LRRIQ1: variants seen among roughly 807,000 people sequenced by gnomAD.
LRRIQ1 encodes the protein leucine-rich repeat- and IQ domain-containing protein 1.
Under a neutral mutation model 211.9 loss-of-function variants are expected in LRRIQ1, and 210 were observed. That is an observed-to-expected ratio of 0.99 (90% CI 0.89 to 1.11). The LOEUF is 1.11. Among genes scored for constraint, LRRIQ1 ranks in the 50% most tolerant of loss-of-function variants. LRRIQ1 has a pLI of 0.00. For synonymous variants in LRRIQ1, 699 were observed against 650.1 expected (o/e 1.08, Z -1.14); for missense variants, 2,136 against 1,939.5 (o/e 1.10, Z -1.90).
chr12:85,161,580 G>A (rs377540275), intron 24 of LRRIQ1, among the ~76,000 whole-genome samples: 5 of 151,902 alleles, frequency 3.3e-5, no homozygotes, highest in African/African-American at 1.2e-4. Context: ...TAAAATTTAG[G>A]CATCTTCATA....
intron 24 of LRRIQ1, among the ~76,000 whole-genome samples, chr12:85,208,090 T>C (rs943381316): frequency 6.6e-6 from 1 of 152,044 alleles, no homozygotes; most frequent in Non-Finnish European, 1.5e-5. Context: ...TACAGTGTGC[T>C]ATTTTGAGGT....
Position 85,072,885 on chromosome 12 carries a change from T to G in LRRIQ1, c.2696-22T>G, listed in dbSNP as rs769114948. 7 of 1,569,282 alleles carry G rather than the reference T, an allele frequency of 4.5e-6. No homozygotes were observed. The South Asian group carries it at 5.8e-5, about 13-fold the overall frequency. ...ATTAATTCGTCTTATATATTTGGTC[T>G]TAATTCTGTCATCCTACTCAGGATA... On this transcript the variant is annotated intron_variant, in intron 10 of 26. Transcript: ENST00000393217.
chr12:85,176,949 C>T (rs532519107), intron 24 of LRRIQ1, among the ~76,000 whole-genome samples: 51 of 151,888 alleles, frequency 3.4e-4, no homozygotes, highest in South Asian at 8.3e-4. Context: ...ACAGCAGTGG[C>T]GGAATAAAAA....
At chr12:85,039,758 T>A (rs1035288498) in intron 2 of LRRIQ1, among the ~76,000 whole-genome samples, 1 of 151,628 alleles carries the variant, frequency 6.6e-6, no homozygotes, top group Non-Finnish European at 1.5e-5. Context: ...TATCGTTTCA[T>A]TGATGCCATG....
In LRRIQ1 at chr12:85,106,623, G is replaced by T. The variant is rs201513248; in HGVS notation, c.3377+8G>T. ...TCAAGAAACAAACTGGAGGTAAAGA[G>T]GCATTGTTGCACCCCATGTATATCC... On this transcript the variant is annotated splice_region_variant and intron_variant, in intron 15 of 26. Transcript: ENST00000393217. The T allele has an allele frequency of 4.7e-5, 75 of 1,580,954 alleles. No individual in the cohort carries two copies. The East Asian group carries it at 1.7e-3, about 35-fold the overall frequency.
chr12:85,140,755 A>C (rs73182430), intron 19 of LRRIQ1, among the ~76,000 whole-genome samples: 2 of 151,164 alleles, frequency 1.3e-5, no homozygotes, highest in African/African-American at 4.8e-5. Flanking sequence ...TGGTTTAAGG[A>C]AGTTAACTTC....
intron 17 of LRRIQ1, among the ~76,000 whole-genome samples, chr12:85,125,670 A>G (rs1325187482): frequency 6.6e-6 from 1 of 152,160 alleles, no homozygotes; most frequent in African/African-American, 2.4e-5. Context: ...GATATGCTGA[A>G]ACTAACTTGT....
chr12:85,082,073 C>G (rs1884352349), intron 11 of LRRIQ1, among the ~76,000 whole-genome samples: 1 of 151,990 alleles, frequency 6.6e-6, no homozygotes, highest in Non-Finnish European at 1.5e-5. Flanking sequence ...GATGTAGATC[C>G]TTTACATTTT....
At chr12:85,267,931 A>G (rs1304065564), downstream of LRRIQ1, among the ~76,000 whole-genome samples, 1 of 152,038 alleles carries the variant, frequency 6.6e-6, no homozygotes, top group Admixed American at 6.6e-5. Flanking sequence ...AGATTAATGT[A>G]TAACTCAATA....
chr12:85,065,459 A>T, intron 9 of LRRIQ1, 45 bp downstream of exon 9: 1 of 1,416,140 alleles, frequency 7.1e-7, no homozygotes, highest in Non-Finnish European at 9.4e-7. Flanking sequence ...ATAAAATATA[A>T]AATGGATTTA....
At position 85,244,389 on chromosome 12, in the gene LRRIQ1, G is replaced by T. The variant is rs1023031463; in HGVS notation, c.5017-400G>T. Reference sequence around the variant, plus strand: ...TTATTGATAAGACTAATACATATAAGTGGCAACATATAATTTTTGCAAAAA... The same window carrying T: ...TTATTGATAAGACTAATACATATAATTGGCAACATATAATTTTTGCAAAAA... On this transcript the variant is annotated intron_variant, in intron 26 of 26. Coordinates refer to ENST00000393217, the MANE Select transcript of LRRIQ1 (RefSeq NM_001079910.2). Among the ~76,000 whole-genome samples the T allele has an allele frequency of 4.6e-5, 7 of 151,560 alleles. 1 individual carries two copies. Among genetic ancestry groups the T allele is most frequent in the African/African-American group, 1.7e-4 (7 of 41,454 alleles).
At chr12:85,226,704 C>T (rs532157245) in intron 24 of LRRIQ1, among the ~76,000 whole-genome samples, 48 of 133,138 alleles carry the variant, frequency 3.6e-4, no homozygotes, top group South Asian at 8.0e-4. Context: ...CAGCAGGCCC[C>T]GGTGTGTGAT....
At chr12:85,171,980 C>A (rs915863892) in intron 24 of LRRIQ1, among the ~76,000 whole-genome samples, 3 of 152,146 alleles carry the variant, frequency 2.0e-5, no homozygotes, top group Non-Finnish European at 2.9e-5. Context: ...GTAGTGGTAG[C>A]TTCAAAGTGC....
intron 15 of LRRIQ1, among the ~76,000 whole-genome samples, chr12:85,108,074 A>C (rs1026723356): frequency 4.6e-5 from 7 of 151,998 alleles, no homozygotes; most frequent in Non-Finnish European, 8.8e-5. Context: ...GCTTCATTGC[A>C]TGCCTGGTCA....
At chr12:85,206,488 C>G (rs556196111) in intron 24 of LRRIQ1, among the ~76,000 whole-genome samples, 8 of 152,224 alleles carry the variant, frequency 5.3e-5, no homozygotes, top group Non-Finnish European at 1.2e-4. Flanking sequence ...CTTGCACTGA[C>G]AGCAATGGTC....
At chr12:85,160,297 C>G (rs1890795410) in intron 23 of LRRIQ1, among the ~76,000 whole-genome samples, 1 of 151,834 alleles carries the variant, frequency 6.6e-6, no homozygotes, top group Non-Finnish European at 1.5e-5. Flanking sequence ...ATGAAATAAC[C>G]TTTTCCTACC....
At position 85,127,881 on chromosome 12, in the gene LRRIQ1, A is replaced by C; in HGVS notation, c.4057A>C (p.Arg1353=). 1 of 1,614,094 alleles carries C rather than the reference A, an allele frequency of 6.2e-7. No individual in the cohort carries two copies. Among genetic ancestry groups the C allele is most frequent in the South Asian group, 1.1e-5 (1 of 91,084 alleles). The change falls in exon 18 of 27, where the codon AGA becomes CGA. Residue 1353 remains arginine, a synonymous_variant. Coordinates refer to ENST00000393217, the MANE Select transcript of LRRIQ1 (RefSeq NM_001079910.2). ...QSYWRGYLMR[R]QTHFSTRLHT... The stretch of plus-strand genomic sequence containing the variant: ...ATACTGGCGTGGTTACCTCATGCGC[A>C]GACAGACTCATTTCTCCACAAGGCT...
At chr12:85,271,445 T>C in the LRRIQ1 span, among the ~76,000 whole-genome samples, 2 of 152,202 alleles carry the variant, frequency 1.3e-5, no homozygotes, top group East Asian at 3.8e-4. Context: ...TAAAATTCAC[T>C]AAGTCTTTCT....
chr12:85,177,895 G>T (rs1891791901), intron 24 of LRRIQ1, among the ~76,000 whole-genome samples: 1 of 151,974 alleles, frequency 6.6e-6, no homozygotes, highest in East Asian at 1.9e-4. Flanking sequence ...TAATAGATAT[G>T]GAGATTTAGG....
Sources: allele counts gnomAD v4.1 joint callset (sites outside exome capture counted in the v4.1 genomes callset), GRCh38; gene constraint gnomAD v4.1.1; transcripts MANE v1.5; gene names NCBI Gene and HGNC (gene_info 2026-07-23, HGNC 2026-07-21).